Variants in CDC42SE2 observed in about 807,000 individuals in gnomAD.
CDC42SE2 encodes the protein CDC42 small effector 2, also known as CDC42 small effector protein 2.
Under a neutral mutation model 11.5 loss-of-function variants are expected in CDC42SE2, and 3 were observed. That is an observed-to-expected ratio of 0.26 (90% CI 0.12 to 0.67). The LOEUF (loss-of-function observed/expected upper bound fraction) is 0.67, where lower values mean the gene tolerates loss of function less well. Among genes scored for constraint, CDC42SE2 ranks in the 30% least tolerant of loss-of-function variants. CDC42SE2 has a pLI of 0.80. For synonymous variants in CDC42SE2, 33 were observed against 34.8 expected (o/e 0.95, Z 0.18); for missense variants, 82 against 106.8 (o/e 0.77, Z 1.02).
chr5:131,282,111 G>A (rs574574661), intron 1 of CDC42SE2, among the ~76,000 whole-genome samples: 7 of 151,976 alleles, frequency 4.6e-5, no homozygotes, highest in Non-Finnish European at 7.4e-5. Context: ...GTAGTTTTTC[G>A]GACTGTTTTA....
intron 2 of CDC42SE2, among the ~76,000 whole-genome samples, chr5:131,357,269 T>A (rs1411796964): frequency 1.3e-5 from 2 of 152,222 alleles, no homozygotes; most frequent in African/African-American, 4.8e-5. Flanking sequence ...TCCTTGGATG[T>A]ATGCTTAAAT....
intron 2 of CDC42SE2, among the ~76,000 whole-genome samples, chr5:131,256,074 C>G (rs1181192036): frequency 6.6e-6 from 1 of 152,186 alleles, no homozygotes; most frequent in Non-Finnish European, 1.5e-5. Flanking sequence ...CTTTCGTCTT[C>G]AGAGAATGGC....
At chr5:131,338,237 C>G (rs1049791909) in intron 2 of CDC42SE2, among the ~76,000 whole-genome samples, 1 of 152,346 alleles carries the variant, frequency 6.6e-6, no homozygotes, top group East Asian at 1.9e-4. Context: ...AACACCAGCA[C>G]ATGGCAGTCC....
chr5:131,234,576 C>T, the CDC42SE2 span, among the ~76,000 whole-genome samples: 3 of 149,838 alleles, frequency 2.0e-5, no homozygotes, highest in East Asian at 6.0e-4. Flanking sequence ...GCAGAGGTTG[C>T]AGTGTGCCAA....
intron 1 of CDC42SE2, among the ~76,000 whole-genome samples, chr5:131,289,517 C>T (rs182725608): frequency 3.8e-4 from 58 of 151,796 alleles, no homozygotes; most frequent in Admixed American, 9.2e-4. Flanking sequence ...CTAAAAAATA[C>T]AAAAAATTAG....
chr5:131,278,742 C>T (rs1580727615), intron 1 of CDC42SE2, among the ~76,000 whole-genome samples: 2 of 450 alleles, frequency 4.4e-3, no homozygotes, highest in African/African-American at 7.6e-3. Flanking sequence ...CCCTCCCCTC[C>T]CCCTCCCCTC....
intron 2 of CDC42SE2, among the ~76,000 whole-genome samples, chr5:131,345,833 G>T (rs184207270): frequency 2.6e-3 from 397 of 152,264 alleles, no homozygotes; most frequent in Non-Finnish European, 4.6e-3. Context: ...GAAGAGAGTG[G>T]GGGCCAATAT....
At chr5:131,250,166 G>A (rs1166853117) in intron 1 of CDC42SE2, among the ~76,000 whole-genome samples, 1 of 152,092 alleles carries the variant, frequency 6.6e-6, no homozygotes, top group East Asian at 1.9e-4. Flanking sequence ...ACAGGCACCA[G>A]GTAAAAGGAC....
chr5:131,336,705 CTTCATTTCA>C (rs1413077328), intron 2 of CDC42SE2, among the ~76,000 whole-genome samples: 1 of 152,148 alleles, frequency 6.6e-6, no homozygotes, highest in South Asian at 2.1e-4. Flanking sequence ...TCTCCTCAAG[CTTCATTTCA>C]TTCATTTCAT....
At chr5:131,273,386 C>T (rs1460466764) in intron 1 of CDC42SE2, among the ~76,000 whole-genome samples, 1 of 150,202 alleles carries the variant, frequency 6.7e-6, no homozygotes, top group East Asian at 2.0e-4. Context: ...AAACTCTTGA[C>T]TTCAAGTGAT....
At chr5:131,376,131 C>T (rs1005458236) in intron 3 of CDC42SE2, among the ~76,000 whole-genome samples, 2 of 151,882 alleles carry the variant, frequency 1.3e-5, no homozygotes, top group South Asian at 4.2e-4. Context: ...TCCAGCTACT[C>T]GGGAGGCTGA....
chr5:131,334,339 TTTGATGTG>T (rs1758500447), intron 2 of CDC42SE2, among the ~76,000 whole-genome samples: 1 of 152,198 alleles, frequency 6.6e-6, no homozygotes, highest in Admixed American at 6.5e-5. Context: ...TGATAAGCTT[TTTGATGTG>T]TTGCTGGATT....
rs192122822 is a variant in CDC42SE2, at chr5:131,335,267, T to G, written c.-286+19123T>G. ...AACAGGTTGTTCAGTTTCCATGTAGTTGAGTGATTTTGAGTGAGTTTCTTA... is the reference window on the plus strand; with the variant it reads ...AACAGGTTGTTCAGTTTCCATGTAGGTGAGTGATTTTGAGTGAGTTTCTTA... On this transcript the variant is annotated intron_variant, in intron 2 of 4. Transcript: ENST00000505065. 2.0e-5 allele frequency among the ~76,000 whole-genome samples: 3 copies of G among 152,352 alleles called. No individual in the cohort carries two copies. In the East Asian group the frequency reaches 5.8e-4, roughly 29 times the overall value.
chr5:131,235,779 G>A, the CDC42SE2 span, among the ~76,000 whole-genome samples: 23 of 151,998 alleles, frequency 1.5e-4, no homozygotes, highest in African/African-American at 5.3e-4. Flanking sequence ...ATATTTAGTA[G>A]AAATGGGGTT....
At chr5:131,293,351 C>A (rs934506015) in intron 1 of CDC42SE2, among the ~76,000 whole-genome samples, 2 of 152,096 alleles carry the variant, frequency 1.3e-5, no homozygotes, top group Non-Finnish European at 2.9e-5. Context: ...GCAGGCAGAT[C>A]ACCTGAGGTC....
chr5:131,216,760 T>G, the CDC42SE2 span, among the ~76,000 whole-genome samples: 2 of 152,008 alleles, frequency 1.3e-5, no homozygotes, highest in Non-Finnish European at 2.9e-5. Flanking sequence ...ATGACCTGGG[T>G]GTGGGGGATT....
chr5:131,308,816 A>G (rs1483680560), intron 1 of CDC42SE2, among the ~76,000 whole-genome samples: 1 of 152,128 alleles, frequency 6.6e-6, no homozygotes, highest in African/African-American at 2.4e-5. Flanking sequence ...ACTTTGTTGA[A>G]GTTGCTTATC....
chr5:131,356,240 T>C (rs1187626040), intron 2 of CDC42SE2, among the ~76,000 whole-genome samples: 1 of 152,242 alleles, frequency 6.6e-6, no homozygotes, highest in Admixed American at 6.5e-5. Flanking sequence ...CCTTCTGTTA[T>C]CTAAAGATTT....
rs912317897 is a variant in CDC42SE2 at position 131,333,742 on chromosome 5, G to A, written c.-286+17598G>A. 4.7e-4 allele frequency among the ~76,000 whole-genome samples: 72 copies of A among 152,074 alleles called. 1 individual carries two copies. Among genetic ancestry groups the A allele is most frequent in the Non-Finnish European group, 2.2e-4 (15 of 68,020 alleles). ...CTCTTTGAAGCAATTGTGAATGGGT[G>A]TTCACTCATGATTTGGCTCTCTGTC... On this transcript the variant is annotated intron_variant, in intron 2 of 4. Coordinates refer to ENST00000505065, the MANE Select transcript of CDC42SE2 (RefSeq NM_001375635.1).
Sources: gnomAD v4.1 joint callset for allele counts (sites outside exome capture counted in the v4.1 genomes callset) on GRCh38, gnomAD v4.1.1 for gene constraint, MANE v1.5 for transcripts, NCBI Gene and HGNC (gene_info 2026-07-23, HGNC 2026-07-21) for gene names.